Variants in KIF1A observed in about 807,000 individuals in gnomAD.
KIF1A encodes the protein kinesin family member 1A.
KIF1A carries 46 observed loss-of-function variants against 227.3 expected under a neutral mutation model. The observed-to-expected ratio is 0.20, with a 90% CI of 0.16 to 0.26. The LOEUF is 0.26. Among genes scored for constraint, KIF1A ranks in the 10% least tolerant of loss-of-function variants. The probability of loss-of-function intolerance (pLI) is 1.00; values close to 1 mark genes in which losing one functional copy is unlikely to be tolerated. For synonymous variants in KIF1A, 1,022 were observed against 1,012.8 expected (o/e 1.01, Z -0.17); for missense variants, 1,683 against 2,485.9 (o/e 0.68, Z 6.87).
Position 240,725,234 on chromosome 2 carries a change from G to C in KIF1A, c.4256+37C>G. On this transcript the variant is annotated intron_variant, in intron 40 of 48. Transcript: ENST00000498729. This position sits in a 1 kb window ranked among gnomAD's most constrained non-coding sequence, Gnocchi z 5.8. The stretch of plus-strand genomic sequence containing the variant: ...CTGCCTGGCCCGCACCGAGACCAGG[G>C]TGGGAGTCCATGTGGTCCTCACCCC... The C allele has an allele frequency of 6.4e-7, 1 of 1,570,596 alleles. No homozygotes were observed. The highest frequency in any genetic ancestry group is 8.6e-7 in the Non-Finnish European group (1 of 1,158,486).
At chr2:240,754,239 G>T (rs1057213504) in intron 27 of KIF1A, among the ~76,000 whole-genome samples, 1 of 152,174 alleles carries the variant, frequency 6.6e-6, no homozygotes, top group African/African-American at 2.4e-5. Context: ...CCGGAGGTCT[G>T]ACACCAAATG....
intron 10 of KIF1A, among the ~76,000 whole-genome samples, chr2:240,780,798 CCACACACACA>C (rs534367981): frequency 8.9e-4 from 31 of 34,926 alleles, no homozygotes; most frequent in East Asian, 1.0e-3. Context: ...ACACACAGCT[CCACACACACA>C]CACACACACA....
At chr2:240,717,929 G>C in intron 48 of KIF1A, 121 bp downstream of exon 48, 1 of 724,940 alleles carries the variant, frequency 1.4e-6, no homozygotes, top group Non-Finnish European at 2.4e-6. Context: ...AGGGGATTGA[G>C]GGCAGGACCC....
intron 27 of KIF1A, among the ~76,000 whole-genome samples, chr2:240,753,169 G>C (rs117665011): frequency 0.03 from 4,586 of 152,320 alleles, 149 homozygotes; most frequent in East Asian, 0.14. Context: ...CTGAGCTAGA[G>C]AAGGGGCCAC....
At chr2:240,734,900 G>A (rs960849218) in intron 38 of KIF1A, among the ~76,000 whole-genome samples, 2 of 152,170 alleles carry the variant, frequency 1.3e-5, no homozygotes, top group African/African-American at 4.8e-5. Context: ...CAGGAGGCAA[G>A]GCCATGGAAA....
chr2:240,811,104 G>A (rs1171768234), intron 1 of KIF1A, among the ~76,000 whole-genome samples: 1 of 152,200 alleles, frequency 6.6e-6, no homozygotes, highest in Admixed American at 6.5e-5. Context: ...GCTCGTGCCT[G>A]TAATCCCAGC....
At chr2:240,750,778 C>T (rs73102629) in intron 27 of KIF1A, among the ~76,000 whole-genome samples, 4 of 151,844 alleles carry the variant, frequency 2.6e-5, no homozygotes, top group Non-Finnish European at 5.9e-5. Context: ...GAATGAGCTG[C>T]GGAGAGCAGA....
intron 10 of KIF1A, among the ~76,000 whole-genome samples, chr2:240,777,065 G>A (rs2052837597): frequency 6.6e-6 from 1 of 151,998 alleles, no homozygotes; most frequent in South Asian, 2.1e-4. Flanking sequence ...TGTTTTTTGA[G>A]ACAGAGTCTC....
In KIF1A at chr2:240,758,616, A is replaced by C; in HGVS notation, c.2445-119T>G. On this transcript the variant is annotated intron_variant, in intron 25 of 48. Transcript: ENST00000498729. This position sits in a 1 kb window ranked among gnomAD's most constrained non-coding sequence, Gnocchi z 5.2. ...TAGCTCTGGCCACCACATCCAGCTC[A>C]GGGTCATCAAGGTCCAGGGGGCTTG... 12 of 1,039,836 alleles carry C rather than the reference A, an allele frequency of 1.2e-5. No homozygotes were observed. Among genetic ancestry groups the C allele is most frequent in the Non-Finnish European group, 1.6e-5 (12 of 767,790 alleles). 64.4% of individuals were successfully genotyped at this position (1,039,836 alleles called of 1,614,324 possible).
intron 10 of KIF1A, among the ~76,000 whole-genome samples, chr2:240,781,465 A>C (rs1389661503): frequency 9.1e-5 from 5 of 54,936 alleles, no homozygotes; most frequent in African/African-American, 2.9e-4. Context: ...ACACAGCTCC[A>C]CACACACACA....
At position 240,774,254 on chromosome 2, in the gene KIF1A, G is replaced by A; in HGVS notation, c.966C>T (p.Asn322=). The A allele has an allele frequency of 6.2e-7, 1 of 1,610,608 alleles. No homozygotes were observed. The highest frequency in any genetic ancestry group is 1.1e-5 in the South Asian group (1 of 90,826). ...AGGCTGCCACCATAGCTGTCCTTGA[G>A]TTACCGCCTGTGGGAAGAAGACCAG... ...TWLLRENLGG[N]SRTAMVAALS... Residue 322 remains asparagine, a synonymous_variant, in exon 12 of 49, where the codon AAC becomes AAT. Coordinates refer to ENST00000498729, the MANE Select transcript of KIF1A (RefSeq NM_001244008.2).
chr2:240,747,522 G>A (rs775428444), intron 28 of KIF1A, among the ~76,000 whole-genome samples: 9 of 152,160 alleles, frequency 5.9e-5, no homozygotes, highest in Non-Finnish European at 1.0e-4. Context: ...CCTGCCCAGG[G>A]GCCCCAAAGC....
intron 1 of KIF1A, among the ~76,000 whole-genome samples, chr2:240,812,413 C>T (rs370280993): frequency 6.6e-6 from 1 of 152,224 alleles, no homozygotes; most frequent in Non-Finnish European, 1.5e-5. Context: ...CAGAGCATCG[C>T]ACAGGCATCC....
intron 44 of KIF1A, 93 bp from the exon 45 acceptor site, chr2:240,721,131 C>A: frequency 6.6e-7 from 1 of 1,511,820 alleles, no homozygotes; most frequent in Non-Finnish European, 9.0e-7. Context: ...TACCCCACAC[C>A]TGCTGCTTAG....
chr2:240,759,211 TTTA>T, intron 25 of KIF1A, among the ~76,000 whole-genome samples: 1 of 152,170 alleles, frequency 6.6e-6, no homozygotes, highest in African/African-American at 2.4e-5. Flanking sequence ...TAATCATATT[TTTA>T]TTTTCTGTAT....
In KIF1A at chr2:240,790,741, T is replaced by C. The variant is rs1039783241; in HGVS notation, c.107-1429A>G. Among the ~76,000 whole-genome samples the C allele has an allele frequency of 6.6e-6, 1 of 151,862 alleles. No homozygotes were observed. Among genetic ancestry groups the C allele is most frequent in the Admixed American group, 6.6e-5 (1 of 15,256 alleles). On this transcript the variant is annotated intron_variant, in intron 2 of 48. Transcript: ENST00000498729. The surrounding 1 kb of genome is among the most constrained non-coding windows in gnomAD (Gnocchi z 5.0). ...AGACAGGGAGGGTGCCATGAGAACA[T>C]GAGGGCAGAGATCAGGGTGATGACA...
In KIF1A at chr2:240,726,973, T is replaced by G; in HGVS notation, c.4008-33A>C. 7.4e-7 allele frequency: 1 copy of G among 1,354,164 alleles called. No homozygotes were observed. Among genetic ancestry groups the G allele is most frequent in the Non-Finnish European group, 1.0e-6 (1 of 961,416 alleles). The allele number at this position is 1,354,164 out of a possible 1,614,324, so 83.9% of individuals were successfully genotyped here. ...GAAGCAGAGACAAAGTAGAAGTTGA[T>G]GGCGTGGGGGCTGCTTTCAGCCAGG... On this transcript the variant is annotated intron_variant, in intron 38 of 48. Transcript: ENST00000498729. The surrounding 1 kb of genome is among the most constrained non-coding windows in gnomAD (Gnocchi z 5.2).
chr2:240,807,330 A>T (rs1471759809), intron 1 of KIF1A, among the ~76,000 whole-genome samples: 1 of 152,010 alleles, frequency 6.6e-6, no homozygotes, highest in Non-Finnish European at 1.5e-5. Flanking sequence ...TTTAGTAGAT[A>T]CATGGTTTCT....
rs567112935 is a variant in KIF1A, at chr2:240,758,434, G to A, written c.2508C>T (p.Ile836=). The A allele has an allele frequency of 7.4e-5, 119 of 1,612,284 alleles. No homozygotes were observed. The highest frequency in any genetic ancestry group is 9.7e-5 in the Non-Finnish European group (114 of 1,179,060). Reference sequence around the variant, plus strand: ...CGGTCACCACGTTGTCACAGTCCTCGATGACACTGGAGGGCACCTCTGCAG... The same window carrying A: ...CGGTCACCACGTTGTCACAGTCCTCAATGACACTGGAGGGCACCTCTGCAG... ...DRAAEVPSSV[I]EDCDNVVTGG... The change falls in exon 26 of 49, where the codon ATC becomes ATT. Residue 836 remains isoleucine (I), a synonymous_variant. Coordinates refer to ENST00000498729, the MANE Select transcript of KIF1A (RefSeq NM_001244008.2). The surrounding 1 kb of genome is among the most constrained non-coding windows in gnomAD (Gnocchi z 5.2).
Sources: gnomAD v4.1 joint callset for allele counts (sites outside exome capture counted in the v4.1 genomes callset) on GRCh38, gnomAD v4.1.1 for gene constraint, Gnocchi (gnomAD v3.1) non-coding constraint, MANE v1.5 for transcripts, NCBI Gene and HGNC (gene_info 2026-07-23, HGNC 2026-07-21) for gene names.